The following TUBAL3 variants were observed in gnomAD, a reference collection of about 807,000 sequenced individuals.
TUBAL3 encodes tubulin alpha like 3, also known as tubulin alpha chain-like 3.
Under a neutral mutation model 15.5 loss-of-function variants are expected in TUBAL3, and 16 were observed. The ratio of observed to expected loss-of-function variants is 1.04; its 90% confidence interval spans 0.70 to 1.57. The LOEUF is 1.57. Ranked by LOEUF, TUBAL3 falls within the 40% of genes most tolerant of loss-of-function variation. The probability of loss-of-function intolerance (pLI) is 0.00; values close to 1 mark genes in which losing one functional copy is unlikely to be tolerated. For synonymous variants in TUBAL3, 238 were observed against 224.3 expected (o/e 1.06, Z -0.55); for missense variants, 609 against 576.2 (o/e 1.06, Z -0.58).
chr10:5,403,463 T>A (rs146401115), intron 1 of TUBAL3, among the ~76,000 whole-genome samples: 37 of 152,284 alleles, frequency 2.4e-4, no homozygotes, highest in African/African-American at 7.5e-4. Flanking sequence ...CACCCAGTCC[T>A]GTGTTACAGT....
In TUBAL3 at chr10:5,397,948, G is replaced by C. The variant is rs563008257; in HGVS notation, c.248-2473C>G. 6.6e-6 allele frequency among the ~76,000 whole-genome samples: 1 copy of C among 152,232 alleles called. No homozygotes were observed. The highest frequency in any genetic ancestry group is 2.1e-4 in the South Asian group (1 of 4,816). The stretch of plus-strand genomic sequence containing the variant: ...CTGAACTCCTGGTTACACTTGCGGG[G>C]CATTCCTTCATGACTCTGAATTTGC... On this transcript the variant is annotated intron_variant, in intron 2 of 3. Coordinates refer to ENST00000380419, the MANE Select transcript of TUBAL3 (RefSeq NM_024803.3). This position sits in a 1 kb window ranked among gnomAD's most constrained non-coding sequence, Gnocchi z 4.9.
chr10:5,397,638 A>G lies in TUBAL3; in HGVS notation c.248-2163T>C, dbSNP rs78122058. Among the ~76,000 whole-genome samples, 3,178 of 152,166 alleles carry G rather than the reference A, an allele frequency of 0.021. 96 individuals carry two copies. Among genetic ancestry groups the G allele is most frequent in the African/African-American group, 0.072 (2,999 of 41,484 alleles). ...GCACAGGTTGCTCAGGGGCTTTACT[A>G]CCCAGCATGGTGCCCTTAATCAATA... On this transcript the variant is annotated intron_variant, in intron 2 of 3. Transcript: ENST00000380419. This position sits in a 1 kb window ranked among gnomAD's most constrained non-coding sequence, Gnocchi z 4.9.
chr10:5,400,772 G>A (rs550777279), intron 2 of TUBAL3, 72 bp downstream of exon 2: 662 of 1,578,826 alleles, frequency 4.2e-4, no homozygotes, highest in Non-Finnish European at 5.4e-4. Flanking sequence ...TGTATAATCT[G>A]CTAATCCCAT....
chr10:5,393,520 G>C lies in TUBAL3; in HGVS notation c.1338C>G (p.Phe446Leu). The change falls in exon 4 of 4, where the codon TTC becomes TTG. Residue 446 changes from phenylalanine (F) to leucine (L), a missense_variant. By Grantham distance (22) the Phe-to-Leu change is conservative (BLOSUM62 0). Coordinates refer to ENST00000380419, the MANE Select transcript of TUBAL3 (RefSeq NM_024803.3). Reference protein sequence around the residue: ...ERDYEEVAQSF With the variant: ...ERDYEEVAQSL Reference sequence around the variant, plus strand: ...ATTTGCACCCATCATACATGCCTCAGAAACTTTGCGCCACTTCCTCATAGT... The same window carrying C: ...ATTTGCACCCATCATACATGCCTCACAAACTTTGCGCCACTTCCTCATAGT... The C allele has an allele frequency of 1.9e-6, 3 of 1,599,222 alleles. No individual in the cohort carries two copies. Among genetic ancestry groups the C allele is most frequent in the Non-Finnish European group, 2.6e-6 (3 of 1,173,054 alleles).
At position 5,396,478 on chromosome 10, in the gene TUBAL3, G is replaced by T. The variant is rs547738583; in HGVS notation, c.248-1003C>A. Among the ~76,000 whole-genome samples the T allele has an allele frequency of 1.3e-3, 197 of 152,014 alleles. No individual in the cohort carries two copies. The highest frequency in any genetic ancestry group is 2.3e-3 in the Non-Finnish European group (159 of 67,988). On this transcript the variant is annotated intron_variant, in intron 2 of 3. Transcript: ENST00000380419. The surrounding 1 kb of genome is among the most constrained non-coding windows in gnomAD (Gnocchi z 5.1). ...AGATCACGCCATCGCACTCCAGCCT[G>T]GGCAACAAGAGTGAAATTCTGTCTC...
In TUBAL3 at chr10:5,393,748, C is replaced by T. The variant is rs1283227876; in HGVS notation, c.1110G>A (p.Met370Ile). Residue 370 changes from methionine (M) to isoleucine (I), a missense_variant, in exon 4 of 4, where the codon ATG becomes ATA. Coordinates refer to ENST00000380419, the MANE Select transcript of TUBAL3 (RefSeq NM_024803.3). ...GGACTTTGGCCAGGTCCCCACCCGG[C>T]ATCACCGTGGGCGGCCGATTGTTGA... Reference protein sequence around the residue: ...VGINNRPPTVMPGGDLAKVHR... With the variant: ...VGINNRPPTVIPGGDLAKVHR... 2 of 1,614,134 alleles carry T rather than the reference C, an allele frequency of 1.2e-6. No homozygotes were observed. Among genetic ancestry groups the T allele is most frequent in the Non-Finnish European group, 1.7e-6 (2 of 1,180,058 alleles).
Position 5,394,032 on chromosome 10 carries a change from T to G in TUBAL3, c.826A>C (p.Met276Leu). ...LVPYPRIHFP[M>L]TAFAPIVSAD... Reference sequence around the variant, plus strand: ...GAGACGATGGGGGCGAAGGCTGTCATGGGGAAATGTATTCTCGGATAAGGT... The same window carrying G: ...GAGACGATGGGGGCGAAGGCTGTCAGGGGGAAATGTATTCTCGGATAAGGT... The change falls in exon 4 of 4, where the codon ATG (methionine) becomes CTG (leucine). Residue 276 changes from methionine (M) to leucine (L), a missense_variant. By Grantham distance (15) the Met-to-Leu change is conservative. Coordinates refer to ENST00000380419, the MANE Select transcript of TUBAL3 (RefSeq NM_024803.3). The surrounding 1 kb of genome is among the most constrained non-coding windows in gnomAD (Gnocchi z 4.3). The G allele has an allele frequency of 6.2e-7, 1 of 1,614,164 alleles. No individual in the cohort carries two copies. Among genetic ancestry groups the G allele is most frequent in the South Asian group, 1.1e-5 (1 of 91,084 alleles).
Position 5,394,484 on chromosome 10 carries a change from G to T in TUBAL3, c.397-23C>A. The T allele has an allele frequency of 6.4e-7, 1 of 1,558,772 alleles. No homozygotes were observed. The highest frequency in any genetic ancestry group is 8.7e-7 in the Non-Finnish European group (1 of 1,153,100). On this transcript the variant is annotated intron_variant, in intron 3 of 3. Coordinates refer to ENST00000380419, the MANE Select transcript of TUBAL3 (RefSeq NM_024803.3). The surrounding 1 kb of genome is among the most constrained non-coding windows in gnomAD (Gnocchi z 4.3). ...TGCCTGGAGAAAGTAAATGAGATGTGAGAATTCAGCTGAATAAATCCAGAA... is the reference window on the plus strand; with the variant it reads ...TGCCTGGAGAAAGTAAATGAGATGTTAGAATTCAGCTGAATAAATCCAGAA...
chr10:5,400,229 G>A (rs186881987), intron 2 of TUBAL3, among the ~76,000 whole-genome samples: 1 of 152,246 alleles, frequency 6.6e-6, no homozygotes, highest in Non-Finnish European at 1.5e-5. Flanking sequence ...TTCTTTGCCA[G>A]TGCCTTCTAG....
At chr10:5,403,522 A>C (rs1333554276) in intron 1 of TUBAL3, among the ~76,000 whole-genome samples, 1 of 146,838 alleles carries the variant, frequency 6.8e-6, no homozygotes, top group African/African-American at 2.6e-5. Flanking sequence ...TAATAGTCAC[A>C]GTAAAAATAA....
intron 1 of TUBAL3, among the ~76,000 whole-genome samples, chr10:5,401,705 C>A (rs1831854095): frequency 6.6e-6 from 1 of 151,374 alleles, no homozygotes; most frequent in Non-Finnish European, 1.5e-5. Flanking sequence ...AGTTTTATAA[C>A]AAACATATAG....
intron 2 of TUBAL3, among the ~76,000 whole-genome samples, chr10:5,400,249 C>T: frequency 6.6e-6 from 1 of 152,156 alleles, no homozygotes. Context: ...GCAAATGGCT[C>T]TCAAACCCAG....
At chr10:5,401,367 C>G (rs1831849114) in intron 1 of TUBAL3, among the ~76,000 whole-genome samples, 5 of 152,092 alleles carry the variant, frequency 3.3e-5, no homozygotes, top group Admixed American at 3.3e-4. Flanking sequence ...TGAATTAAGA[C>G]AAACACACAC....
Position 5,393,612 on chromosome 10 carries a change from G to T in TUBAL3, c.1246C>A (p.Leu416Ile), listed in dbSNP as rs1831709755. 1 of 1,614,064 alleles carries T rather than the reference G, an allele frequency of 6.2e-7. No homozygotes were observed. ...YAKRAFLHWY[L>I]REGMEEAEFL... ...TCTGCTTCTTCCATGCCTTCTCTGA[G>T]GTACCAGTGCAGAAATGCTCTCTTG... Residue 416 changes from leucine to isoleucine, a missense_variant, in exon 4 of 4, where the codon CTC becomes ATC. Transcript: ENST00000380419.
intron 2 of TUBAL3, among the ~76,000 whole-genome samples, chr10:5,398,652 C>T (rs1248644430): frequency 6.6e-6 from 1 of 152,154 alleles, no homozygotes; most frequent in Non-Finnish European, 1.5e-5. Context: ...TTATTCATTC[C>T]TTCTGCCTTG....
At chr10:5,404,683 G>T in intron 1 of TUBAL3, 107 bp downstream of exon 1, 3 of 1,174,966 alleles carry the variant, frequency 2.6e-6, no homozygotes, top group South Asian at 1.3e-5. Flanking sequence ...CTTTACAAAT[G>T]TCTTCTCTTG....
chr10:5,404,704 T>G (rs1350218303), intron 1 of TUBAL3, 86 bp downstream of exon 1: 1 of 1,368,348 alleles, frequency 7.3e-7, no homozygotes, highest in African/African-American at 1.4e-5. Flanking sequence ...CATTACAATT[T>G]TATTAAGAAT....
At chr10:5,404,653 A>G (rs1831903208) in intron 1 of TUBAL3, 137 bp downstream of exon 1, 1 of 896,672 alleles carries the variant, frequency 1.1e-6, no homozygotes, top group Admixed American at 2.1e-5. Flanking sequence ...CTACTTGGAC[A>G]TTGAAAGAAA....
intron 2 of TUBAL3, among the ~76,000 whole-genome samples, chr10:5,400,422 G>A (rs10904489): frequency 0.67 from 101,205 of 151,958 alleles, 33,898 homozygotes; most frequent in East Asian, 0.74. Context: ...ACTTGAGGTC[G>A]GGAGTTCAAG....
Sources: gnomAD v4.1 joint callset for allele counts (sites outside exome capture counted in the v4.1 genomes callset) on GRCh38, gnomAD v4.1.1 for gene constraint, Gnocchi (gnomAD v3.1) non-coding constraint, MANE v1.5 for transcripts, NCBI Gene and HGNC (gene_info 2026-07-23, HGNC 2026-07-21) for gene names.